The following USP3 variants were observed in gnomAD, a reference collection of about 807,000 sequenced individuals.
USP3 encodes ubiquitin carboxyl-terminal hydrolase 3.
USP3 carries 20 observed loss-of-function variants against 72.3 expected under a neutral mutation model. That is an observed-to-expected ratio of 0.28 (90% CI 0.19 to 0.40). USP3 has a LOEUF of 0.40. Ranked by LOEUF, USP3 falls within the 10% of genes least tolerant of loss-of-function variation. The probability of loss-of-function intolerance (pLI) is 1.00; values close to 1 mark genes in which losing one functional copy is unlikely to be tolerated. For missense variants in USP3, 479 were observed against 633.9 expected, an observed-to-expected ratio of 0.76 and a Z score of 2.62; for synonymous variants, 222 against 225.3, an observed-to-expected ratio of 0.99 and a Z score of 0.13.
In USP3 at chr15:63,567,109, T is replaced by C. The variant is rs188530092; in HGVS notation, c.762-3324T>C. On this transcript the variant is annotated intron_variant, in intron 8 of 14. Transcript: ENST00000380324. ...ATGTGGTGGGAACACATGAGTCCTT[T>C]TATGTGCCTATATTCTGGGATGTTA... is the stretch of plus-strand genomic sequence containing the variant. 2.2e-4 allele frequency among the ~76,000 whole-genome samples: 34 copies of C among 152,340 alleles called. No homozygotes were observed. The East Asian group carries it at 4.6e-3, about 21-fold the overall frequency.
intron 11 of USP3, among the ~76,000 whole-genome samples, chr15:63,581,482 A>C (rs529128078): frequency 2.0e-5 from 3 of 149,510 alleles, no homozygotes; most frequent in Non-Finnish European, 4.4e-5. Flanking sequence ...CTCCGGGTTC[A>C]AGCGATTCTT....
Position 63,593,666 on chromosome 15 carries a change from C to T in USP3, c.*2840C>T, listed in dbSNP as rs1226588426. On this transcript the variant is annotated 3_prime_UTR_variant, in exon 15 of 15. Coordinates refer to ENST00000380324, the MANE Select transcript of USP3 (RefSeq NM_006537.4). ...AGATTCTTTAGAAAAGTGATTGGAT[C>T]CATCTCAATTGTGCACTTGAACAGC... The T allele has an allele frequency of 6.6e-6, 1 of 152,224 alleles. No homozygotes were observed. Among genetic ancestry groups the T allele is most frequent in the East Asian group, 1.9e-4 (1 of 5,200 alleles). The allele number at this position is 152,224 out of a possible 1,614,324, so 9.4% of individuals were successfully genotyped here.
intron 1 of USP3, among the ~76,000 whole-genome samples, chr15:63,519,541 A>G (rs1362775730): frequency 6.6e-6 from 1 of 152,158 alleles, no homozygotes; most frequent in Non-Finnish European, 1.5e-5. Context: ...GTTTTTGGTG[A>G]TACTAACTTT....
chr15:63,584,104 T>C (rs189792719), intron 11 of USP3, among the ~76,000 whole-genome samples: 12 of 145,238 alleles, frequency 8.3e-5, no homozygotes, highest in Non-Finnish European at 1.7e-4. Flanking sequence ...TTTTTTTTTT[T>C]TTTTTTTTTT....
chr15:63,569,045 G>A (rs980413988), intron 8 of USP3, among the ~76,000 whole-genome samples: 1 of 152,154 alleles, frequency 6.6e-6, no homozygotes, highest in African/African-American at 2.4e-5. Flanking sequence ...TAGCTATAAG[G>A]TGCTGGTTTT....
At chr15:63,541,349 T>C (rs972386436) in intron 3 of USP3, among the ~76,000 whole-genome samples, 2 of 152,184 alleles carry the variant, frequency 1.3e-5, no homozygotes, top group African/African-American at 4.8e-5. Flanking sequence ...AGATAATGAA[T>C]CATTTCCTAC....
chr15:63,525,097 A>G (rs2065963631), intron 1 of USP3, among the ~76,000 whole-genome samples: 6 of 152,242 alleles, frequency 3.9e-5, no homozygotes, highest in Admixed American at 3.9e-4. Context: ...AGAAAGGGAT[A>G]GAGGCAAAAG....
chr15:63,512,356 TTC>T (rs1463218430), intron 1 of USP3, among the ~76,000 whole-genome samples: 7 of 43,360 alleles, frequency 1.6e-4, no homozygotes, highest in African/African-American at 3.6e-4. Context: ...CCTCTTCCTC[TTC>T]TTCTTCTTTC....
chr15:63,561,750 TAGGA>T (rs2066611450), intron 7 of USP3, among the ~76,000 whole-genome samples: 2 of 152,262 alleles, frequency 1.3e-5, no homozygotes, highest in South Asian at 4.1e-4. Context: ...TTCTCCAACA[TAGGA>T]AGAGGGTTCA....
chr15:63,504,921 G>C, intron 1 of USP3, 91 bp downstream of exon 1: 2 of 1,068,366 alleles, frequency 1.9e-6, no homozygotes, highest in Non-Finnish European at 2.3e-6. Context: ...GCCGGCGCGC[G>C]GACTCGGGGA....
intron 7 of USP3, 33 bp downstream of exon 7, chr15:63,560,003 G>C (rs773303737): frequency 6.3e-7 from 1 of 1,580,710 alleles, no homozygotes; most frequent in East Asian, 2.3e-5. Context: ...TTCTGGCTTT[G>C]AGTTACAAAA....
At position 63,574,302 on chromosome 15, in the gene USP3, T is replaced by G. The variant is rs1233457314; in HGVS notation, c.1016-21T>G. On this transcript the variant is annotated intron_variant, in intron 10 of 14. Transcript: ENST00000380324. The surrounding 1 kb of genome is among the most constrained non-coding windows in gnomAD (Gnocchi z 4.6). ...ATATATGCCTTTAACAGCTCTCTGT[T>G]TACCTCTCTCTCCTTTTAAGACCTT... 7 of 1,569,262 alleles carry G rather than the reference T, an allele frequency of 4.5e-6. No homozygotes were observed. The highest frequency in any genetic ancestry group is 1.4e-5 in the African/African-American group (1 of 72,586).
chr15:63,553,537 A>C lies in USP3; in HGVS notation c.285-178A>C. 2.1e-6 allele frequency: 1 copy of C among 466,274 alleles called. No homozygotes were observed. The highest frequency in any genetic ancestry group is 3.7e-6 in the Non-Finnish European group (1 of 273,264). The allele number at this position is 466,274 out of a possible 1,614,324, so 28.9% of individuals were successfully genotyped here. ...CATGTTCATTGCCTACGTGGCTTTTAAAAAAGACTCTTGAAAAACATTCCA... is the reference window on the plus strand; with the variant it reads ...CATGTTCATTGCCTACGTGGCTTTTCAAAAAGACTCTTGAAAAACATTCCA... On this transcript the variant is annotated intron_variant, in intron 3 of 14. Transcript: ENST00000380324. The surrounding 1 kb of genome is among the most constrained non-coding windows in gnomAD (Gnocchi z 4.2).
chr15:63,563,025 G>T lies in USP3; in HGVS notation c.761+17G>T, dbSNP rs1279587575. 1.3e-6 allele frequency: 2 copies of T among 1,547,406 alleles called. No homozygotes were observed. Among genetic ancestry groups the T allele is most frequent in the Non-Finnish European group, 1.8e-6 (2 of 1,132,058 alleles). On this transcript the variant is annotated intron_variant, in intron 8 of 14. Coordinates refer to ENST00000380324, the MANE Select transcript of USP3 (RefSeq NM_006537.4). ...AAACTTTAGGTAAGTATTATATGAA[G>T]ATATTTTTAAACATTAATATTAGTG...
At chr15:63,567,905 T>C (rs1332659095) in intron 8 of USP3, among the ~76,000 whole-genome samples, 1 of 152,218 alleles carries the variant, frequency 6.6e-6, no homozygotes, top group Admixed American at 6.5e-5. Flanking sequence ...GCTTCAGCAG[T>C]GTTCGGAATG....
At chr15:63,587,888 T>C (rs2067106563) in intron 11 of USP3, 1 of 154,794 alleles carries the variant, frequency 6.5e-6, no homozygotes, top group African/African-American at 2.4e-5. Context: ...TGTAGCCTTC[T>C]GTGATCTATG....
At chr15:63,546,404 A>G (rs568110195) in intron 3 of USP3, among the ~76,000 whole-genome samples, 9 of 152,130 alleles carry the variant, frequency 5.9e-5, no homozygotes, top group Non-Finnish European at 1.3e-4. Context: ...TTTGAAACAC[A>G]ACCTATGAGT....
rs1053714372 is a variant in USP3, at chr15:63,594,291, G to A, written c.*3465G>A. ...CTGGAAAAGCCGATGGAAAAAGTCTGTTCCTGCAGCCAAGGCCTGGGTCCC... is the reference window on the plus strand; with the variant it reads ...CTGGAAAAGCCGATGGAAAAAGTCTATTCCTGCAGCCAAGGCCTGGGTCCC... On this transcript the variant is annotated 3_prime_UTR_variant, in exon 15 of 15. Transcript: ENST00000380324. The A allele has an allele frequency of 1.3e-5, 2 of 152,258 alleles. No homozygotes were observed. Among genetic ancestry groups the A allele is most frequent in the Non-Finnish European group, 2.9e-5 (2 of 68,072 alleles). 9.4% of individuals were successfully genotyped at this position (152,258 alleles called of 1,614,324 possible).
intron 9 of USP3, among the ~76,000 whole-genome samples, chr15:63,572,201 C>T (rs1370695033): frequency 6.6e-6 from 1 of 152,098 alleles, no homozygotes; most frequent in Non-Finnish European, 1.5e-5. Context: ...TTAAACATGT[C>T]AGGCAGCTAA....
Sources: allele counts gnomAD v4.1 joint callset (sites outside exome capture counted in the v4.1 genomes callset), GRCh38; gene constraint gnomAD v4.1.1; non-coding constraint Gnocchi (gnomAD v3.1); transcripts MANE v1.5; gene names NCBI Gene and HGNC (gene_info 2026-07-23, HGNC 2026-07-21).